The following SATL1 variants were observed in gnomAD, a reference collection of about 807,000 sequenced individuals.
SATL1 encodes the protein spermidine/spermine N1-acetyl transferase like 1.
SATL1 carries 47 observed loss-of-function variants against 51.8 expected under a neutral mutation model. That is an observed-to-expected ratio of 0.91 (90% CI 0.72 to 1.16). The LOEUF (loss-of-function observed/expected upper bound fraction) is 1.16, where lower values mean the gene tolerates loss of function less well. Among genes scored for constraint, SATL1 ranks in the 50% most tolerant of loss-of-function variants. The pLI, the probability that SATL1 is intolerant of heterozygous loss-of-function variation, is 0.00. For missense variants in SATL1, 520 were observed against 526.4 expected, an observed-to-expected ratio of 0.99 and a Z score of 0.12; for synonymous variants, 176 against 182.4, an observed-to-expected ratio of 0.97 and a Z score of 0.28.
At chrX:85,168,651 T>C (rs1010296885) in intron 2 of SATL1, among the ~76,000 whole-genome samples, 24 of 112,069 alleles carry the variant, frequency 2.1e-4, no homozygotes, top group African/African-American at 7.8e-4. Context: ...AAACATTCCA[T>C]GCTCATGGAT....
At chrX:85,119,937 T>TG (rs1022127286) in intron 2 of SATL1, among the ~76,000 whole-genome samples, 3 of 111,762 alleles carry the variant, frequency 2.7e-5, no homozygotes, top group African/African-American at 9.7e-5. Flanking sequence ...AAGGCTAAAA[T>TG]AAAAAAATGT....
chrX:85,197,136 A>G (rs974201756), intron 2 of SATL1, among the ~76,000 whole-genome samples: 4 of 112,211 alleles, frequency 3.6e-5, no homozygotes, highest in African/African-American at 1.3e-4. Flanking sequence ...AGCTCCTACA[A>G]CTCAAAAGTA....
intron 2 of SATL1, among the ~76,000 whole-genome samples, chrX:85,123,256 GGCTAA>G (rs1925546152): frequency 9.0e-6 from 1 of 111,384 alleles, no homozygotes; most frequent in Non-Finnish European, 1.9e-5. Flanking sequence ...TTTCTACAGT[GGCTAA>G]GCTAACTTAC....
chrX:85,204,094 T>C (rs757841222), intron 2 of SATL1, among the ~76,000 whole-genome samples: 4 of 111,215 alleles, frequency 3.6e-5, no homozygotes, highest in Non-Finnish European at 5.7e-5. Flanking sequence ...TCTGGTGGAG[T>C]GGGTTTGCAA....
chrX:85,151,765 T>C (rs2147721986), intron 2 of SATL1, among the ~76,000 whole-genome samples: 2 of 111,853 alleles, frequency 1.8e-5, no homozygotes, highest in East Asian at 5.6e-4. Flanking sequence ...GCTAGCCATA[T>C]GTAGAAAGCT....
At chrX:85,141,709 T>A (rs1487667387) in intron 2 of SATL1, among the ~76,000 whole-genome samples, 1 of 110,673 alleles carries the variant, frequency 9.0e-6, no homozygotes, top group Middle Eastern at 4.7e-3. Flanking sequence ...ACAATAATAA[T>A]TACAATAATA....
At chrX:85,185,752 C>A (rs1050844855) in intron 2 of SATL1, among the ~76,000 whole-genome samples, 8 of 110,880 alleles carry the variant, frequency 7.2e-5, no homozygotes, top group African/African-American at 2.3e-4. Flanking sequence ...CAGGGCAGGA[C>A]CAGAAATTCT....
chrX:85,093,332 A>C, intron 6 of SATL1, 107 bp from the exon 7 acceptor site: 1 of 765,391 alleles, frequency 1.3e-6, no homozygotes, highest in Non-Finnish European at 1.9e-6. Flanking sequence ...TTTTTTGTAT[A>C]TTATTAATAG....
chrX:85,108,753 G>A lies in SATL1; in HGVS notation c.216C>T (p.Pro72=), dbSNP rs183676756. 1.3e-4 allele frequency: 153 copies of A among 1,207,088 alleles called. No individual in the cohort carries two copies. Among genetic ancestry groups the A allele is most frequent in the Middle Eastern group, 2.3e-4 (1 of 4,343 alleles). ...GCCATGTGTCTGGTTGTTTCATGTCGGGTTGGTTTATGTCTGGTAGGTTTG... is the reference window on the plus strand; with the variant it reads ...GCCATGTGTCTGGTTGTTTCATGTCAGGTTGGTTTATGTCTGGTAGGTTTG... ...SGTNLPDINQ[P]DMKQPDTWQL... Residue 72 remains proline, a synonymous_variant, in exon 3 of 8, where the codon CCC becomes CCT. Coordinates refer to ENST00000644105, the MANE Select transcript of SATL1 (RefSeq NM_001367857.2).
At chrX:85,102,795 A>T (rs1924932166) in intron 4 of SATL1, among the ~76,000 whole-genome samples, 1 of 110,573 alleles carries the variant, frequency 9.0e-6, no homozygotes, top group East Asian at 2.8e-4. Context: ...TGAATGTCTG[A>T]TTTTTTTTGA....
intron 2 of SATL1, among the ~76,000 whole-genome samples, chrX:85,140,869 G>A (rs1180904263): frequency 1.8e-5 from 2 of 111,768 alleles, no homozygotes; most frequent in Non-Finnish European, 3.8e-5. Flanking sequence ...TTGGCTGCAA[G>A]TAAGAGAACA....
chrX:85,105,579 C>T lies in SATL1; in HGVS notation c.1642-1664G>A, dbSNP rs938254911. On this transcript the variant is annotated intron_variant, in intron 3 of 7. Transcript: ENST00000644105. Reference sequence around the variant, plus strand: ...GTATGGCTGCCTGGCAATGAAATGACTAGGCTCCCAAATAATGCTGTGATG... The same window carrying T: ...GTATGGCTGCCTGGCAATGAAATGATTAGGCTCCCAAATAATGCTGTGATG... Among the ~76,000 whole-genome samples, 4 of 111,598 alleles carry T rather than the reference C, an allele frequency of 3.6e-5. 1 individual carries two copies. Among genetic ancestry groups the T allele is most frequent in the African/African-American group, 1.3e-4 (4 of 30,746 alleles).
chrX:85,171,917 A>G (rs910932993), intron 2 of SATL1, among the ~76,000 whole-genome samples: 1 of 111,576 alleles, frequency 9.0e-6, no homozygotes, highest in African/African-American at 3.2e-5. Context: ...TTGTTCTACT[A>G]ATGACAACGT....
chrX:85,122,481 T>C (rs2147701638), intron 2 of SATL1, among the ~76,000 whole-genome samples: 1 of 111,199 alleles, frequency 9.0e-6, no homozygotes, highest in Admixed American at 9.7e-5. Flanking sequence ...CACCATGAGT[T>C]AAAATTGTAT....
chrX:85,200,665 T>G (rs1927668945), intron 2 of SATL1, among the ~76,000 whole-genome samples: 1 of 111,517 alleles, frequency 9.0e-6, no homozygotes, highest in Admixed American at 9.6e-5. Flanking sequence ...TACTCATCAC[T>G]AATTCACAAA....
At chrX:85,116,740 T>C (rs571392627) in intron 2 of SATL1, among the ~76,000 whole-genome samples, 41 of 110,853 alleles carry the variant, frequency 3.7e-4, no homozygotes, top group East Asian at 1.1e-3. Context: ...CTGGGGGGTC[T>C]CTACTGCCCT....
intron 3 of SATL1, among the ~76,000 whole-genome samples, chrX:85,105,006 T>C (rs964097641): frequency 1.8e-5 from 2 of 111,200 alleles, no homozygotes; most frequent in Non-Finnish European, 3.8e-5. Flanking sequence ...TTCCACTAGT[T>C]ACCATAGTAT....
At chrX:85,220,342 A>T (rs1325996382) in intron 2 of SATL1, among the ~76,000 whole-genome samples, 1 of 108,845 alleles carries the variant, frequency 9.2e-6, no homozygotes, top group Non-Finnish European at 1.9e-5. Context: ...AGGGACTACA[A>T]CTCTTAAGTC....
chrX:85,156,870 A>G (rs866634715), intron 2 of SATL1, among the ~76,000 whole-genome samples: 1 of 75,782 alleles, frequency 1.3e-5, no homozygotes, highest in Non-Finnish European at 2.4e-5. Flanking sequence ...TATATATATA[A>G]AATATGTAAA....
Sources: allele counts gnomAD v4.1 joint callset (sites outside exome capture counted in the v4.1 genomes callset), GRCh38; gene constraint gnomAD v4.1.1; transcripts MANE v1.5; gene names NCBI Gene and HGNC (gene_info 2026-07-23, HGNC 2026-07-21).